Variants in GABRG1 observed in about 807,000 individuals in gnomAD.
GABRG1 encodes gamma-aminobutyric acid type A receptor subunit gamma1.
In GABRG1, 49 loss-of-function variants were observed where a neutral mutation model predicts 49.8. That is an observed-to-expected ratio of 0.98 (90% CI 0.78 to 1.25). The LOEUF is 1.25. GABRG1 is among the 50% of genes most tolerant of loss of function. The pLI, the probability that GABRG1 is intolerant of heterozygous loss-of-function variation, is 0.00. For missense variants in GABRG1, 552 were observed against 552.3 expected, an observed-to-expected ratio of 1.00 and a Z score of 0.01; for synonymous variants, 232 against 185.1, an observed-to-expected ratio of 1.25 and a Z score of -2.06.
chr4:46,044,444 G>T (rs756646178), intron 8 of GABRG1, among the ~76,000 whole-genome samples: 3 of 151,870 alleles, frequency 2.0e-5, no homozygotes, highest in Non-Finnish European at 4.4e-5. Flanking sequence ...TTGCACTACT[G>T]CATTCCAGCC....
chr4:46,062,084 T>C (rs1577640320), intron 5 of GABRG1, among the ~76,000 whole-genome samples: 1 of 137,400 alleles, frequency 7.3e-6, no homozygotes, highest in African/African-American at 2.7e-5. Context: ...TGTCCATGTG[T>C]TCTCATTGTT....
chr4:46,043,270 G>A lies in GABRG1; in HGVS notation c.1132-2016C>T, dbSNP rs150010327. ...GCACTAAAATGAACAAAAACTGCAA[G>A]GGGTTTATTTAAAAAATGAACTCTC... On this transcript the variant is annotated intron_variant, in intron 8 of 8. Coordinates refer to ENST00000295452, the MANE Select transcript of GABRG1 (RefSeq NM_173536.4). Among the ~76,000 whole-genome samples the A allele has an allele frequency of 3.4e-4, 52 of 151,908 alleles. No homozygotes were observed. In the East Asian group the frequency reaches 0.01, roughly 30 times the overall value.
intron 1 of GABRG1, among the ~76,000 whole-genome samples, chr4:46,116,454 C>G (rs1720890356): frequency 6.6e-6 from 1 of 150,712 alleles, no homozygotes; most frequent in Non-Finnish European, 1.5e-5. Flanking sequence ...GCTTCAGATA[C>G]ATTCTTCAAG....
rs560459148 is a variant in GABRG1, at chr4:46,102,405, C to T, written c.105-5056G>A. Among the ~76,000 whole-genome samples, 6 of 151,768 alleles carry T rather than the reference C, an allele frequency of 4.0e-5. No homozygotes were observed. The South Asian group carries it at 8.3e-4, about 21-fold the overall frequency. On this transcript the variant is annotated intron_variant, in intron 1 of 8. Transcript: ENST00000295452. ...TGTTGGAGGATTCCTACCTCCCTGG[C>T]CAAAACTTTCTTAGAAGGGTATTGC... is the stretch of plus-strand genomic sequence containing the variant.
At chr4:46,056,334 A>G (rs1718448802) in intron 7 of GABRG1, among the ~76,000 whole-genome samples, 1 of 151,936 alleles carries the variant, frequency 6.6e-6, no homozygotes, top group East Asian at 1.9e-4. Flanking sequence ...ACCCCAAAGC[A>G]TGGCATAGCA....
At chr4:46,048,140 C>A (rs537930164) in intron 8 of GABRG1, among the ~76,000 whole-genome samples, 1 of 151,966 alleles carries the variant, frequency 6.6e-6, no homozygotes, top group Non-Finnish European at 1.5e-5. Flanking sequence ...TAGTGCCTTT[C>A]GGTTTATTAC....
chr4:46,079,313 C>T (rs932717013), intron 3 of GABRG1, among the ~76,000 whole-genome samples: 2 of 151,728 alleles, frequency 1.3e-5, no homozygotes, highest in African/African-American at 2.4e-5. Flanking sequence ...TTGTCGTCTT[C>T]GTAACTGGTG....
Position 46,072,236 on chromosome 4 carries a change from C to T in GABRG1, c.322-6652G>A, listed in dbSNP as rs149937777. 7.8e-3 allele frequency among the ~76,000 whole-genome samples: 1,186 copies of T among 152,176 alleles called. 9 individuals are homozygous for T. The highest frequency in any genetic ancestry group is 0.012 in the Non-Finnish European group (842 of 67,990). The stretch of plus-strand genomic sequence containing the variant: ...TGATACAGCCACAGTATGTAGTAGA[C>T]TATACCATGTAGGTTTGTGTAAATA... On this transcript the variant is annotated intron_variant, in intron 3 of 8. Coordinates refer to ENST00000295452, the MANE Select transcript of GABRG1 (RefSeq NM_173536.4).
rs1718530739 is a variant in GABRG1, at chr4:46,058,345, A to C, written c.788T>G (p.Phe263Cys). The change falls in exon 7 of 9, where the codon TTT becomes TGT. Residue 263 changes from phenylalanine to cysteine, a missense_variant. Transcript: ENST00000295452. Reference protein sequence around the residue: ...ISGDYVIMTIFFDLSRRMGYF... With the variant: ...ISGDYVIMTICFDLSRRMGYF... ...TCCCATTCTTCTGCTCAGGTCAAAA[A>C]AAATTGTCATGATAACATAATCCCC... The C allele has an allele frequency of 1.2e-6, 2 of 1,611,930 alleles. No homozygotes were observed. Among genetic ancestry groups the C allele is most frequent in the Non-Finnish European group, 1.7e-6 (2 of 1,179,126 alleles).
intron 1 of GABRG1, among the ~76,000 whole-genome samples, chr4:46,120,730 T>C (rs73146832): frequency 0.094 from 14,263 of 151,770 alleles, 1,672 homozygotes; most frequent in African/African-American, 0.28. Context: ...AAAGCAAGTT[T>C]ATTTGAATAT....
intron 1 of GABRG1, among the ~76,000 whole-genome samples, chr4:46,113,837 TATCTGTG>T: frequency 6.6e-6 from 1 of 151,184 alleles, no homozygotes; most frequent in East Asian, 2.0e-4. Context: ...CCACAGGCCC[TATCTGTG>T]ATCTGTTGTT....
At chr4:46,107,898 T>A (rs933503586) in intron 1 of GABRG1, among the ~76,000 whole-genome samples, 2 of 151,056 alleles carry the variant, frequency 1.3e-5, no homozygotes, top group African/African-American at 4.8e-5. Flanking sequence ...AAAAGAAGGA[T>A]CAATAATAGA....
At chr4:46,075,264 T>C (rs999218651) in intron 3 of GABRG1, among the ~76,000 whole-genome samples, 8 of 152,062 alleles carry the variant, frequency 5.3e-5, no homozygotes, top group Admixed American at 3.3e-4. Context: ...TCTCCAAACC[T>C]GGTTGACTAG....
chr4:46,119,293 C>T (rs145880931), intron 1 of GABRG1, among the ~76,000 whole-genome samples: 474 of 151,286 alleles, frequency 3.1e-3, no homozygotes, highest in Non-Finnish European at 4.2e-3. Flanking sequence ...CTTTTTTTCT[C>T]CATTTCCTTT....
chr4:46,118,144 A>C (rs1281337459), intron 1 of GABRG1, among the ~76,000 whole-genome samples: 1 of 146,256 alleles, frequency 6.8e-6, no homozygotes, highest in Non-Finnish European at 1.5e-5. Flanking sequence ...ATATATATAT[A>C]TACAGCTACA....
intron 2 of GABRG1, among the ~76,000 whole-genome samples, chr4:46,084,268 G>A (rs1719673517): frequency 1.3e-5 from 2 of 151,746 alleles, no homozygotes; most frequent in South Asian, 4.1e-4. Context: ...TAAAGCACAT[G>A]AGATAATGCA....
At chr4:46,111,307 A>G (rs1720705943) in intron 1 of GABRG1, among the ~76,000 whole-genome samples, 1 of 151,240 alleles carries the variant, frequency 6.6e-6, no homozygotes. Flanking sequence ...GATCTCTACA[A>G]GCAGAACTAC....
intron 2 of GABRG1, 148 bp from the exon 3 acceptor site, chr4:46,084,201 C>T (rs974919444): frequency 6.8e-6 from 4 of 584,996 alleles, no homozygotes; most frequent in Non-Finnish European, 1.2e-5. Context: ...GAAATGTAGC[C>T]TTTATAAAAA....
chr4:46,116,407 G>A (rs1451237705), intron 1 of GABRG1, among the ~76,000 whole-genome samples: 1 of 150,710 alleles, frequency 6.6e-6, no homozygotes, highest in Non-Finnish European at 1.5e-5. Context: ...ACAAATCGTG[G>A]TGACATTCAC....
Sources: gnomAD v4.1 joint callset for allele counts (sites outside exome capture counted in the v4.1 genomes callset) on GRCh38, gnomAD v4.1.1 for gene constraint, MANE v1.5 for transcripts, NCBI Gene and HGNC (gene_info 2026-07-23, HGNC 2026-07-21) for gene names.